Variants in ADAMTS19 observed in about 807,000 individuals in gnomAD.
ADAMTS19 encodes A disintegrin and metalloproteinase with thrombospondin motifs 19.
Under a neutral mutation model 153.3 loss-of-function variants are expected in ADAMTS19, and 93 were observed. The observed-to-expected ratio is 0.61, with a 90% CI of 0.51 to 0.72. ADAMTS19 has a LOEUF of 0.72. Ranked by LOEUF, ADAMTS19 falls within the 30% of genes least tolerant of loss-of-function variation. The pLI is 0.00. For missense variants in ADAMTS19, 1,482 were observed against 1,552.1 expected (o/e 0.95, Z 0.76); for synonymous variants, 600 against 556.6 (o/e 1.08, Z -1.10).
intron 7 of ADAMTS19, among the ~76,000 whole-genome samples, chr5:129,576,335 AG>A (rs534420540): frequency 7.9e-4 from 120 of 152,152 alleles, no homozygotes; most frequent in African/African-American, 2.7e-3. Context: ...AGCTTGCCAA[AG>A]ATGTAGAAGT....
Position 129,529,551 on chromosome 5 carries a change from T to G in ADAMTS19, c.1328+874T>G, listed in dbSNP as rs193085769. ...CATTGGAAAATAAGAAGTCACTGCTTTTAGTCATTGGAGAATGAACAGCAT... is the reference window on the plus strand; with the variant it reads ...CATTGGAAAATAAGAAGTCACTGCTGTTAGTCATTGGAGAATGAACAGCAT... On this transcript the variant is annotated intron_variant, in intron 6 of 22. Transcript: ENST00000274487. Among the ~76,000 whole-genome samples the G allele has an allele frequency of 4.6e-5, 7 of 152,274 alleles. No individual in the cohort carries two copies. The East Asian group carries it at 1.3e-3, about 29-fold the overall frequency.
At chr5:129,646,695 T>A (rs543665770) in intron 11 of ADAMTS19, among the ~76,000 whole-genome samples, 1 of 152,164 alleles carries the variant, frequency 6.6e-6, no homozygotes, top group Non-Finnish European at 1.5e-5. Flanking sequence ...ATTTTAGAAA[T>A]GAGCAAGCTG....
intron 21 of ADAMTS19, among the ~76,000 whole-genome samples, chr5:129,732,370 G>A (rs1321808442): frequency 6.6e-6 from 1 of 152,052 alleles, no homozygotes; most frequent in Non-Finnish European, 1.5e-5. Flanking sequence ...AATTTTAAAA[G>A]GGGAAGTCAA....
At chr5:129,584,673 T>C (rs1204815594) in intron 7 of ADAMTS19, among the ~76,000 whole-genome samples, 3 of 152,116 alleles carry the variant, frequency 2.0e-5, no homozygotes, top group Admixed American at 2.0e-4. Context: ...GAGTTTGAAC[T>C]TCCTGGTAGC....
intron 3 of ADAMTS19, among the ~76,000 whole-genome samples, chr5:129,514,935 A>G (rs1751550062): frequency 1.3e-5 from 2 of 152,006 alleles, no homozygotes. Context: ...TTAGATTTAA[A>G]TCTTTAATCC....
At chr5:129,535,454 A>G (rs1443800286) in intron 6 of ADAMTS19, among the ~76,000 whole-genome samples, 2 of 152,242 alleles carry the variant, frequency 1.3e-5, no homozygotes, top group Non-Finnish European at 2.9e-5. Context: ...TATGGGTAGG[A>G]AGAATCAGTA....
rs762437540 is a variant in ADAMTS19 at position 129,658,734 on chromosome 5, G to A, written c.2422G>A (p.Ala808Thr). The A allele has an allele frequency of 8.8e-6, 14 of 1,598,980 alleles. No homozygotes were observed. The highest frequency in any genetic ancestry group is 2.7e-5 in the African/African-American group (2 of 74,232). Reference sequence around the variant, plus strand: ...AGGGGATTTTAATCACACCAGAGGAGCAGGTAATTTTTCTTTATTTTTTCA... The same window carrying A: ...AGGGGATTTTAATCACACCAGAGGAACAGGTAATTTTTCTTTATTTTTTCA... The part of the protein sequence containing the change: ...IKGDFNHTRG[A>T]GYVEVLVIPA... Residue 808 changes from alanine to threonine, a missense_variant, in exon 15 of 23, where the codon GCA (alanine) becomes ACA (threonine). Transcript: ENST00000274487.
chr5:129,704,124 G>A (rs1416512217), intron 20 of ADAMTS19, 115 bp from the exon 21 acceptor site: 10 of 1,063,132 alleles, frequency 9.4e-6, no homozygotes, highest in Non-Finnish European at 1.3e-5. Context: ...ATTTTATCTG[G>A]CTTTTATGGG....
chr5:129,520,072 G>A (rs1466015224), intron 3 of ADAMTS19, among the ~76,000 whole-genome samples: 1 of 152,018 alleles, frequency 6.6e-6, no homozygotes, highest in Non-Finnish European at 1.5e-5. Context: ...TTTTAAACAT[G>A]GACCCCGAAA....
intron 10 of ADAMTS19, among the ~76,000 whole-genome samples, chr5:129,629,354 C>T (rs1752190283): frequency 1.3e-5 from 2 of 152,038 alleles, no homozygotes; most frequent in Non-Finnish European, 2.9e-5. Context: ...ATGACCAGCT[C>T]ATTTCTAATC....
intron 7 of ADAMTS19, among the ~76,000 whole-genome samples, chr5:129,575,407 A>G (rs1464177095): frequency 6.6e-6 from 1 of 152,102 alleles, no homozygotes; most frequent in Non-Finnish European, 1.5e-5. Flanking sequence ...TTTATGTGCA[A>G]TCAGAACACT....
chr5:129,727,178 A>C (rs1757241720), intron 21 of ADAMTS19, among the ~76,000 whole-genome samples: 1 of 152,194 alleles, frequency 6.6e-6, no homozygotes, highest in African/African-American at 2.4e-5. Flanking sequence ...TTATTGTCTA[A>C]TACATGATCT....
chr5:129,484,658 G>C (rs953485862), intron 2 of ADAMTS19, among the ~76,000 whole-genome samples: 8 of 151,850 alleles, frequency 5.3e-5, no homozygotes, highest in African/African-American at 1.9e-4. Context: ...ATTGATGGAG[G>C]TTCATTTTTT....
At chr5:129,463,595 G>A (rs925782824) in intron 2 of ADAMTS19, among the ~76,000 whole-genome samples, 6 of 152,086 alleles carry the variant, frequency 3.9e-5, no homozygotes, top group Non-Finnish European at 4.4e-5. Context: ...TAAGCAAATA[G>A]CCAAGAAGGG....
chr5:129,535,717 T>C (rs902242300), intron 6 of ADAMTS19, among the ~76,000 whole-genome samples: 1 of 152,098 alleles, frequency 6.6e-6, no homozygotes, highest in Non-Finnish European at 1.5e-5. Context: ...AACAGAGATA[T>C]AGACCAATGG....
Position 129,634,549 on chromosome 5 carries a change from C to T in ADAMTS19, c.1771-7310C>T, listed in dbSNP as rs965474916. On this transcript the variant is annotated intron_variant, in intron 10 of 22. Transcript: ENST00000274487. ...CAAACTATACTCCAGGGCTACAGTA[C>T]TAAAAACAACATGATACTGGGACAA... Among the ~76,000 whole-genome samples the T allele has an allele frequency of 8.5e-5, 13 of 152,052 alleles. No individual in the cohort carries two copies. The East Asian group carries it at 2.3e-3, about 27-fold the overall frequency.
At chr5:129,532,883 AC>A (rs1489131520) in intron 6 of ADAMTS19, among the ~76,000 whole-genome samples, 4 of 152,162 alleles carry the variant, frequency 2.6e-5, no homozygotes, top group African/African-American at 9.7e-5. Context: ...CAGGCAGATC[AC>A]TTGAGGTCAG....
At chr5:129,629,354 C>A (rs1752190283) in intron 10 of ADAMTS19, among the ~76,000 whole-genome samples, 1 of 152,038 alleles carries the variant, frequency 6.6e-6, no homozygotes, top group South Asian at 2.1e-4. Context: ...ATGACCAGCT[C>A]ATTTCTAATC....
intron 16 of ADAMTS19, among the ~76,000 whole-genome samples, chr5:129,677,278 C>T (rs1045163863): frequency 6.6e-6 from 1 of 152,142 alleles, no homozygotes; most frequent in South Asian, 2.1e-4. Flanking sequence ...GAGTTCCAGA[C>T]CAGCCTGGCC....
Sources: gnomAD v4.1 joint callset for allele counts (sites outside exome capture counted in the v4.1 genomes callset) on GRCh38, gnomAD v4.1.1 for gene constraint, MANE v1.5 for transcripts, NCBI Gene and HGNC (gene_info 2026-07-23, HGNC 2026-07-21) for gene names.